Variants in ESD observed in about 807,000 individuals in gnomAD.
The protein encoded by ESD is esterase D, also known as S-formylglutathione hydrolase.
A neutral mutation model predicts 38.1 loss-of-function variants in ESD; 34 were observed. That is an observed-to-expected ratio of 0.89 (90% CI 0.68 to 1.19). ESD has a LOEUF of 1.19. Ranked by LOEUF, ESD falls within the 50% of genes most tolerant of loss-of-function variation. The pLI is 0.00. For synonymous variants in ESD, 97 were observed against 107.0 expected (o/e 0.91, Z 0.58); for missense variants, 334 against 327.2 (o/e 1.02, Z -0.16).
At chr13:46,778,400 AT>A (rs1232315359) in intron 8 of ESD, among the ~76,000 whole-genome samples, 22 of 151,878 alleles carry the variant, frequency 1.4e-4, no homozygotes, top group Non-Finnish European at 3.1e-4. Flanking sequence ...GAGAGGACCT[AT>A]AAAGTCTGAC....
chr13:46,792,421 C>T (rs1875432413), intron 2 of ESD, among the ~76,000 whole-genome samples: 1 of 151,936 alleles, frequency 6.6e-6, no homozygotes, highest in Admixed American at 6.5e-5. Context: ...TCTTAAAAAG[C>T]TAATTTTGGA....
intron 8 of ESD, among the ~76,000 whole-genome samples, chr13:46,777,993 T>C (rs1874865156): frequency 1.3e-5 from 2 of 152,014 alleles, no homozygotes; most frequent in African/African-American, 4.8e-5. Context: ...AATTGGAAAC[T>C]AGAAGCTTCT....
Position 46,771,280 on chromosome 13 carries a change from G to A in ESD, c.*136C>T, listed in dbSNP as rs578007778. The A allele has an allele frequency of 1.8e-6, 1 of 552,170 alleles. No individual in the cohort carries two copies. The highest frequency in any genetic ancestry group is 3.0e-5 in the East Asian group (1 of 33,784). 34.2% of individuals were successfully genotyped at this position (552,170 alleles called of 1,614,324 possible). A position where few individuals can be genotyped will look rare whatever the true frequency, so the allele number is the denominator to read the frequency against. ...GTAGGTTTTATATCTTTATTCAGAG[G>A]TGATTCAACTATAGAATAAAGCCCT... On this transcript the variant is annotated 3_prime_UTR_variant, in exon 10 of 10. Coordinates refer to ENST00000378720, the MANE Select transcript of ESD (RefSeq NM_001984.2).
chr13:46,791,620 T>C (rs1875405612), intron 2 of ESD, among the ~76,000 whole-genome samples, 200 bp from the exon 3 acceptor site: 1 of 152,092 alleles, frequency 6.6e-6, no homozygotes, highest in Non-Finnish European at 1.5e-5. Flanking sequence ...TTACTCACTT[T>C]TAAAAGCTTT....
chr13:46,793,192 T>C (rs914978554), intron 2 of ESD, among the ~76,000 whole-genome samples: 11 of 152,282 alleles, frequency 7.2e-5, no homozygotes, highest in Middle Eastern at 3.4e-3. Context: ...CAAAAAAATA[T>C]GTTAGGCTTA....
At chr13:46,792,808 T>C (rs1216964) in intron 2 of ESD, among the ~76,000 whole-genome samples, 103,309 of 151,888 alleles carry the variant, frequency 0.68, 37,176 homozygotes, top group African/African-American at 0.92. Context: ...AATGAACTTA[T>C]AGAGAGAGAT....
At chr13:46,776,425 C>A (rs139663849) in intron 9 of ESD, 1 of 152,012 alleles carries the variant, frequency 6.6e-6, no homozygotes, top group Non-Finnish European at 1.5e-5. Flanking sequence ...AATATCATGC[C>A]GTCTGAAAAT....
At position 46,791,425 on chromosome 13, in the gene ESD, TAGTAAAG is replaced by T. The variant is rs756949511; in HGVS notation, c.-7-12_-7-6del. Reference sequence around the variant, plus strand: ...TGCTTCAATGCCATTCTTTTCCTATTAGTAAAGAGTAATCTCATTAATTTCCAGAGAA... The same window carrying T: ...TGCTTCAATGCCATTCTTTTCCTATTAGTAATCTCATTAATTTCCAGAGAA... On this transcript the variant is annotated splice_region_variant and splice_polypyrimidine_tract_variant and intron_variant, in intron 2 of 9. Coordinates refer to ENST00000378720, the MANE Select transcript of ESD (RefSeq NM_001984.2). 10 of 1,603,908 alleles carry T rather than the reference TAGTAAAG, an allele frequency of 6.2e-6. 1 individual carries two copies. In the Admixed American group the frequency reaches 6.8e-5, roughly 11 times the overall value.
chr13:46,788,545 G>C (rs1171958497), intron 3 of ESD, among the ~76,000 whole-genome samples: 1 of 151,862 alleles, frequency 6.6e-6, no homozygotes, highest in Non-Finnish European at 1.5e-5. Context: ...CATTTGTTAA[G>C]AGGGTATATT....
chr13:46,789,021 C>G (rs1320756390), intron 3 of ESD, among the ~76,000 whole-genome samples: 1 of 152,100 alleles, frequency 6.6e-6, no homozygotes, highest in African/African-American at 2.4e-5. Context: ...CTACTGAGCA[C>G]CTGAAATGTG....
At chr13:46,795,331 G>A (rs1447913764) in intron 1 of ESD, among the ~76,000 whole-genome samples, 1 of 152,100 alleles carries the variant, frequency 6.6e-6, no homozygotes, top group Non-Finnish European at 1.5e-5. Flanking sequence ...AGCCTAATAC[G>A]GCCTACGTGG....
chr13:46,781,758 A>G, intron 6 of ESD, 143 bp from the exon 7 acceptor site: 1 of 718,802 alleles, frequency 1.4e-6, no homozygotes, highest in African/African-American at 1.8e-5. Context: ...AAAACAAAAC[A>G]AAACTAAATC....
rs199682790 is a variant in ESD, at chr13:46,771,334, A to ATT, written c.*80_*81dup. 12,134 of 706,130 alleles carry ATT rather than the reference A, an allele frequency of 0.017. 651 individuals are homozygous for ATT. The highest frequency in any genetic ancestry group is 0.16 in the African/African-American group (8,435 of 51,936). The allele number at this position is 706,130 out of a possible 1,614,324, so 43.7% of individuals were successfully genotyped here. On this transcript the variant is annotated 3_prime_UTR_variant, in exon 10 of 10. Coordinates refer to ENST00000378720, the MANE Select transcript of ESD (RefSeq NM_001984.2). The stretch of plus-strand genomic sequence containing the variant: ...AGCACTATAAAATCCAATGTTTTGA[A>ATT]TTTTTTTTTTTTTTGCTCAGCAATA...
intron 9 of ESD, among the ~76,000 whole-genome samples, chr13:46,772,644 G>A (rs1356930168): frequency 6.6e-6 from 1 of 151,962 alleles, no homozygotes. Flanking sequence ...ATATATCCAT[G>A]TGTTCTCACC....
At chr13:46,787,553 C>T (rs1236774412) in intron 3 of ESD, among the ~76,000 whole-genome samples, 1 of 151,926 alleles carries the variant, frequency 6.6e-6, no homozygotes, top group Non-Finnish European at 1.5e-5. Context: ...TATTTTATCA[C>T]AATCACTATT....
At chr13:46,789,485 T>G (rs935756036) in intron 3 of ESD, among the ~76,000 whole-genome samples, 11 of 152,198 alleles carry the variant, frequency 7.2e-5, no homozygotes, top group Non-Finnish European at 1.6e-4. Flanking sequence ...ATTTTCTTTG[T>G]TCCCAACACT....
chr13:46,771,289 C>A lies in ESD; in HGVS notation c.*127G>T. ...ATATCTTTATTCAGAGGTGATTCAA[C>A]TATAGAATAAAGCCCTTTTAGCACT... On this transcript the variant is annotated 3_prime_UTR_variant, in exon 10 of 10. Transcript: ENST00000378720. 1.7e-6 allele frequency: 1 copy of A among 581,788 alleles called. No individual in the cohort carries two copies. Among genetic ancestry groups the A allele is most frequent in the Non-Finnish European group, 3.0e-6 (1 of 332,294 alleles). The allele number at this position is 581,788 out of a possible 1,614,324, so 36.0% of individuals were successfully genotyped here.
intron 9 of ESD, 82 bp from the exon 10 acceptor site, chr13:46,771,578 C>A: frequency 1.2e-6 from 1 of 859,428 alleles, no homozygotes; most frequent in Non-Finnish European, 1.8e-6. Flanking sequence ...TCTCTAAGGT[C>A]GTTTAATTTG....
chr13:46,791,475 T>C (rs1875400527), intron 2 of ESD, 55 bp from the exon 3 acceptor site: 2 of 1,367,468 alleles, frequency 1.5e-6, no homozygotes, highest in African/African-American at 1.5e-5. Context: ...CTGAAAAACT[T>C]GAAACAAAAC....
Sources: allele counts gnomAD v4.1 joint callset (sites outside exome capture counted in the v4.1 genomes callset), GRCh38; gene constraint gnomAD v4.1.1; transcripts MANE v1.5; gene names NCBI Gene and HGNC (gene_info 2026-07-23, HGNC 2026-07-21).